Variants in PELI2 observed in about 807,000 individuals in gnomAD.
PELI2 encodes the protein pellino E3 ubiquitin protein ligase family member 2.
A neutral mutation model predicts 42.3 loss-of-function variants in PELI2; 23 were observed. That is an observed-to-expected ratio of 0.54 (90% confidence interval 0.39 to 0.77). The LOEUF (loss-of-function observed/expected upper bound fraction) is 0.77. Among genes scored for constraint, PELI2 ranks in the 30% least tolerant of loss-of-function variants. The pLI, the probability that PELI2 is intolerant of heterozygous loss-of-function variation, is 0.00. For synonymous variants in PELI2, 245 were observed against 212.2 expected (o/e 1.15, Z -1.34); for missense variants, 463 against 553.2 (o/e 0.84, Z 1.64).
chr14:56,235,045 A>T (rs961003602), intron 2 of PELI2, among the ~76,000 whole-genome samples: 7 of 152,214 alleles, frequency 4.6e-5, no homozygotes, highest in African/African-American at 1.7e-4. Context: ...CACATCTAAG[A>T]AAACTAAAAC....
At chr14:56,227,852 G>T (rs1049735206) in intron 2 of PELI2, among the ~76,000 whole-genome samples, 1 of 152,202 alleles carries the variant, frequency 6.6e-6, no homozygotes, top group Non-Finnish European at 1.5e-5. Context: ...AGGGCTTTCA[G>T]AAGGGCTCAT....
At chr14:56,198,532 C>G (rs765443213) in intron 2 of PELI2, among the ~76,000 whole-genome samples, 7 of 152,192 alleles carry the variant, frequency 4.6e-5, no homozygotes, top group Non-Finnish European at 1.0e-4. Flanking sequence ...GATTTGACCA[C>G]TTGCAGGTTG....
chr14:56,191,594 C>T (rs1005548768), intron 2 of PELI2, among the ~76,000 whole-genome samples: 1 of 152,140 alleles, frequency 6.6e-6, no homozygotes, highest in African/African-American at 2.4e-5. Flanking sequence ...AGGGTATTTG[C>T]CCAAAGGGTG....
chr14:56,151,406 T>A (rs1884347360), intron 1 of PELI2, among the ~76,000 whole-genome samples: 1 of 152,276 alleles, frequency 6.6e-6, no homozygotes, highest in South Asian at 2.1e-4. Context: ...GCTTCCTTGC[T>A]ATTTTACACA....
chr14:56,207,232 A>G (rs1886550217), intron 2 of PELI2, among the ~76,000 whole-genome samples: 1 of 152,208 alleles, frequency 6.6e-6, no homozygotes, highest in African/African-American at 2.4e-5. Context: ...TAACTGAATA[A>G]TCTCTATATA....
intron 5 of PELI2, chr14:56,292,904 G>C (rs1889877526): frequency 1.3e-6 from 1 of 743,054 alleles, no homozygotes; most frequent in Non-Finnish European, 1.6e-6. Flanking sequence ...AGGGCCTTGA[G>C]TATTTAATTA....
At chr14:56,176,683 T>C (rs1885398359) in intron 1 of PELI2, among the ~76,000 whole-genome samples, 1 of 152,148 alleles carries the variant, frequency 6.6e-6, no homozygotes, top group South Asian at 2.1e-4. Flanking sequence ...GAACACACAT[T>C]CAAGTGCATC....
intron 2 of PELI2, among the ~76,000 whole-genome samples, chr14:56,220,763 A>C (rs898990634): frequency 6.6e-6 from 1 of 152,122 alleles, no homozygotes; most frequent in African/African-American, 2.4e-5. Context: ...CAAGATGAGG[A>C]GGTGAAGGAG....
rs535255359 is a variant in PELI2 at position 56,150,370 on chromosome 14, C to T, written c.78-27965C>T. The stretch of plus-strand genomic sequence containing the variant: ...TGAATGCTATGTATGTTAATTGGTC[C>T]AATGTAATCTCGTAACTGATCCCAT... On this transcript the variant is annotated intron_variant, in intron 1 of 5. Transcript: ENST00000267460. 2.0e-5 allele frequency among the ~76,000 whole-genome samples: 3 copies of T among 152,206 alleles called. No homozygotes were observed. The South Asian group carries it at 6.2e-4, about 32-fold the overall frequency.
intron 2 of PELI2, among the ~76,000 whole-genome samples, chr14:56,214,903 G>T (rs1280891571): frequency 6.6e-6 from 1 of 152,184 alleles, no homozygotes. Flanking sequence ...CATTGCCAGC[G>T]TTGACAGAGG....
intron 2 of PELI2, among the ~76,000 whole-genome samples, chr14:56,255,167 C>T (rs986907733): frequency 6.6e-6 from 1 of 152,178 alleles, no homozygotes; most frequent in Non-Finnish European, 1.5e-5. Context: ...AGTCATTCTA[C>T]TATAAAGACA....
chr14:56,187,314 T>C (rs139797391), intron 2 of PELI2, among the ~76,000 whole-genome samples: 121 of 152,314 alleles, frequency 7.9e-4, no homozygotes, highest in African/African-American at 2.8e-3. Flanking sequence ...AAATGGAAGT[T>C]GCCTTGTAGA....
chr14:56,274,516 C>T (rs543207964), intron 2 of PELI2, among the ~76,000 whole-genome samples: 14 of 152,278 alleles, frequency 9.2e-5, no homozygotes, highest in Admixed American at 5.9e-4. Context: ...TGCAATACTG[C>T]CTTCTGTTAT....
rs75457078 is a variant in PELI2, at chr14:56,219,831, G to A, written c.207+41367G>A. On this transcript the variant is annotated intron_variant, in intron 2 of 5. Coordinates refer to ENST00000267460, the MANE Select transcript of PELI2 (RefSeq NM_021255.3). The surrounding 1 kb of genome is among the most constrained non-coding windows in gnomAD (Gnocchi z 4.1). ...TTTGTAACTTGCCCCATTCCACAGC[G>A]GACTTGAGGCAGCTGACATTCTTAC... Among the ~76,000 whole-genome samples, 2,146 of 152,218 alleles carry A rather than the reference G, an allele frequency of 0.014. 57 individuals are homozygous for A. The highest frequency in any genetic ancestry group is 0.049 in the African/African-American group (2,027 of 41,518).
chr14:56,246,226 A>G (rs771717585), intron 2 of PELI2, among the ~76,000 whole-genome samples: 3 of 152,066 alleles, frequency 2.0e-5, no homozygotes, highest in Admixed American at 6.6e-5. Context: ...AAGAATAACA[A>G]CTCCATTACT....
chr14:56,174,669 C>T (rs1235415154), intron 1 of PELI2, among the ~76,000 whole-genome samples: 6 of 152,152 alleles, frequency 3.9e-5, no homozygotes, highest in East Asian at 1.9e-4. Flanking sequence ...CTCCTGTTGC[C>T]GTGAGAAGAA....
At chr14:56,251,921 T>A (rs1888358761) in intron 2 of PELI2, among the ~76,000 whole-genome samples, 1 of 152,196 alleles carries the variant, frequency 6.6e-6, no homozygotes, top group Non-Finnish European at 1.5e-5. Context: ...CAGCTTGAGG[T>A]GCCAAACGTA....
At chr14:56,225,099 T>C (rs1016539832) in intron 2 of PELI2, among the ~76,000 whole-genome samples, 2 of 152,188 alleles carry the variant, frequency 1.3e-5, no homozygotes, top group Admixed American at 6.6e-5. Flanking sequence ...TAAATACATG[T>C]GCGTGTGCAT....
rs528769931 is a variant in PELI2 at position 56,132,993 on chromosome 14, TA to T, written c.77+14260del. Among the ~76,000 whole-genome samples, 260 of 152,326 alleles carry T rather than the reference TA, an allele frequency of 1.7e-3. 1 individual carries two copies. Among genetic ancestry groups the T allele is most frequent in the African/African-American group, 6.2e-3 (257 of 41,576 alleles). On this transcript the variant is annotated intron_variant, in intron 1 of 5. Transcript: ENST00000267460. ...ATATTTAGGTAATATTGTATTAATT[TA>T]AAAGGCTGTATACTAAATGGTATAT...
Sources: gnomAD v4.1 joint callset for allele counts (sites outside exome capture counted in the v4.1 genomes callset) on GRCh38, gnomAD v4.1.1 for gene constraint, Gnocchi (gnomAD v3.1) non-coding constraint, MANE v1.5 for transcripts, NCBI Gene and HGNC (gene_info 2026-07-23, HGNC 2026-07-21) for gene names.